The following VRK1 variants were observed in gnomAD, a reference collection of about 807,000 sequenced individuals.
VRK1 encodes the protein VRK serine/threonine kinase 1.
Under a neutral mutation model 57.1 loss-of-function variants are expected in VRK1, and 33 were observed. The ratio of observed to expected loss-of-function variants is 0.58; its 90% CI spans 0.44 to 0.77. The LOEUF is 0.77. Among genes scored for constraint, VRK1 ranks in the 30% least tolerant of loss-of-function variants. The pLI, the probability that VRK1 is intolerant of heterozygous loss-of-function variation, is 0.00. For missense variants in VRK1, 413 were observed against 477.3 expected, an observed-to-expected ratio of 0.87 and a Z score of 1.25; for synonymous variants, 137 against 147.8, an observed-to-expected ratio of 0.93 and a Z score of 0.53.
intron 4 of VRK1, 39 bp from the exon 5 acceptor site, chr14:96,847,212 TTATGTA>T: frequency 6.6e-7 from 1 of 1,515,338 alleles, no homozygotes; most frequent in Non-Finnish European, 9.1e-7. Context: ...AAATTATCAT[TTATGTA>T]TAACAATTGA....
chr14:96,858,130 C>T (rs1888240394), intron 10 of VRK1, among the ~76,000 whole-genome samples: 1 of 152,050 alleles, frequency 6.6e-6, no homozygotes, highest in African/African-American at 2.4e-5. Flanking sequence ...AGTGCAGTGG[C>T]ACAGTCACAG....
intron 7 of VRK1, 54 bp downstream of exon 7, chr14:96,853,220 T>C: frequency 6.6e-7 from 1 of 1,509,258 alleles, no homozygotes; most frequent in Non-Finnish European, 9.2e-7. Flanking sequence ...TGAAAATAAA[T>C]ATGGTTGCTT....
intron 1 of VRK1, among the ~76,000 whole-genome samples, chr14:96,815,066 T>A (rs535448649): frequency 3.9e-5 from 6 of 152,358 alleles, no homozygotes; most frequent in African/African-American, 1.4e-4. Context: ...AAAGGGAGTA[T>A]GCATTTAAAA....
At chr14:96,870,779 T>G (rs140594998) in intron 11 of VRK1, among the ~76,000 whole-genome samples, 142 of 152,292 alleles carry the variant, frequency 9.3e-4, no homozygotes, top group African/African-American at 3.0e-3. Flanking sequence ...GATCATGTAA[T>G]CAAGGGTTAG....
chr14:96,854,900 T>C (rs1888089577), intron 7 of VRK1, among the ~76,000 whole-genome samples: 1 of 152,218 alleles, frequency 6.6e-6, no homozygotes, highest in Admixed American at 6.5e-5. Context: ...GTCTGTAAGA[T>C]AAAGTATAAA....
intron 10 of VRK1, chr14:96,859,091 A>G (rs1326617671): frequency 2.0e-5 from 3 of 152,222 alleles, no homozygotes; most frequent in Non-Finnish European, 4.4e-5. Context: ...AGTCTTCTCT[A>G]GGAAACTCTT....
intron 1 of VRK1, among the ~76,000 whole-genome samples, chr14:96,803,553 A>T (rs1885751932): frequency 6.6e-6 from 1 of 152,172 alleles, no homozygotes; most frequent in Non-Finnish European, 1.5e-5. Flanking sequence ...CTTCATCATA[A>T]GTATGTCTAT....
chr14:96,802,605 A>G (rs769800700), intron 1 of VRK1, among the ~76,000 whole-genome samples: 5 of 152,220 alleles, frequency 3.3e-5, no homozygotes, highest in Non-Finnish European at 7.3e-5. Context: ...TTTCTTTGAG[A>G]TGATAGAACA....
chr14:96,849,800 C>T, intron 5 of VRK1, among the ~76,000 whole-genome samples: 1 of 152,118 alleles, frequency 6.6e-6, no homozygotes, highest in East Asian at 1.9e-4. Context: ...AAAAGTAGCC[C>T]ACACTGTCAT....
chr14:96,837,017 C>T lies in VRK1; in HGVS notation c.161-745C>T, dbSNP rs1887247022. On this transcript the variant is annotated intron_variant, in intron 2 of 12. Transcript: ENST00000216639. Reference sequence around the variant, plus strand: ...TGTCCTCTATAGCACTTCACACTGTCAAATGTACTTCATATTTTATTTCTG... The same window carrying T: ...TGTCCTCTATAGCACTTCACACTGTTAAATGTACTTCATATTTTATTTCTG... Among the ~76,000 whole-genome samples the T allele has an allele frequency of 2.6e-5, 4 of 152,280 alleles. No individual in the cohort carries two copies. The South Asian group carries it at 8.3e-4, about 32-fold the overall frequency.
intron 3 of VRK1, among the ~76,000 whole-genome samples, chr14:96,841,468 A>G (rs1259190442): frequency 6.6e-6 from 1 of 152,108 alleles, no homozygotes; most frequent in Non-Finnish European, 1.5e-5. Context: ...TCTCTTTGTA[A>G]TTAGGACAGT....
At chr14:96,836,762 CAGG>C (rs1023619858) in intron 2 of VRK1, among the ~76,000 whole-genome samples, 1 of 152,086 alleles carries the variant, frequency 6.6e-6, no homozygotes, top group African/African-American at 2.4e-5. Flanking sequence ...CTCCTGACCT[CAGG>C]TGATCCACCT....
Position 96,856,562 on chromosome 14 carries a change from T to C in VRK1, c.865T>C (p.Cys289Arg). ...RENIASLMDK[C>R]FPEKNKPGEI... ...AAATATTGCAAGTTTGATGGACAAA[T>C]GTTTTCCTGAGAAAAACAAACCAGG... is the stretch of plus-strand genomic sequence containing the variant. Residue 289 changes from cysteine to arginine, a missense_variant, in exon 10 of 13, where the codon TGT becomes CGT. By Grantham distance (180) the Cys-to-Arg change is radical. This residue lies in a region of VRK1 where 146 missense variants were observed against 138.2 expected (regional missense o/e 1.06). Transcript: ENST00000216639. The C allele has an allele frequency of 6.2e-7, 1 of 1,613,878 alleles. No homozygotes were observed. Among genetic ancestry groups the C allele is most frequent in the Non-Finnish European group, 8.5e-7 (1 of 1,179,814 alleles).
At chr14:96,823,812 A>G (rs1886696612) in intron 1 of VRK1, among the ~76,000 whole-genome samples, 1 of 152,218 alleles carries the variant, frequency 6.6e-6, no homozygotes, top group African/African-American at 2.4e-5. Context: ...TTCACTTAGC[A>G]TAACTGTCCT....
chr14:96,810,567 G>T (rs1886149693), intron 1 of VRK1, among the ~76,000 whole-genome samples: 1 of 152,168 alleles, frequency 6.6e-6, no homozygotes, highest in African/African-American at 2.4e-5. Flanking sequence ...CATTGGGTCT[G>T]TTGGACACAA....
At chr14:96,797,942 A>G (rs1041638885) in intron 1 of VRK1, among the ~76,000 whole-genome samples, 1 of 152,202 alleles carries the variant, frequency 6.6e-6, no homozygotes, top group Non-Finnish European at 1.5e-5. Flanking sequence ...GTTGCGGGCT[A>G]GAGGAATGGG....
In VRK1 at chr14:96,856,306, G is replaced by A. The variant is rs541721685; in HGVS notation, c.830+56G>A. The A allele has an allele frequency of 3.8e-6, 6 of 1,593,554 alleles. No homozygotes were observed. The African/African-American group carries it at 8.0e-5, about 21-fold the overall frequency. Reference sequence around the variant, plus strand: ...AATCATGATAAGCCAAATGTTTTTAGTCACAATTTCTTGATAGGAACTATA... The same window carrying A: ...AATCATGATAAGCCAAATGTTTTTAATCACAATTTCTTGATAGGAACTATA... On this transcript the variant is annotated intron_variant, in intron 9 of 12. Coordinates refer to ENST00000216639, the MANE Select transcript of VRK1 (RefSeq NM_003384.3).
chr14:96,879,546 A>G (rs978829879), intron 12 of VRK1, among the ~76,000 whole-genome samples: 4 of 152,138 alleles, frequency 2.6e-5, no homozygotes, highest in Non-Finnish European at 5.9e-5. Flanking sequence ...GAGATATAGT[A>G]TTGATTATTG....
intron 1 of VRK1, among the ~76,000 whole-genome samples, chr14:96,800,836 A>T (rs1170262057): frequency 2.0e-5 from 3 of 152,076 alleles, no homozygotes; most frequent in African/African-American, 7.2e-5. Context: ...AAATGGGAAG[A>T]TATACTAGAT....
Sources: gnomAD v4.1 joint callset for allele counts (sites outside exome capture counted in the v4.1 genomes callset) on GRCh38, gnomAD v4.1.1 for gene constraint, gnomAD v4.1.1 regional missense constraint, MANE v1.5 for transcripts, NCBI Gene and HGNC (gene_info 2026-07-23, HGNC 2026-07-21) for gene names.